The following CARM1 variants were observed in gnomAD, a reference collection of about 807,000 sequenced individuals.
The protein encoded by CARM1 is histone-arginine methyltransferase CARM1.
Under a neutral mutation model 72.7 loss-of-function variants are expected in CARM1, and 14 were observed. The observed-to-expected ratio is 0.19, with a 90% CI of 0.13 to 0.30. The LOEUF (loss-of-function observed/expected upper bound fraction) is 0.30, where lower values mean the gene tolerates loss of function less well. Among genes scored for constraint, CARM1 ranks in the 10% least tolerant of loss-of-function variants. CARM1 has a pLI of 1.00. For missense variants in CARM1, 432 were observed against 833.7 expected (o/e 0.52, Z 5.93); for synonymous variants, 333 against 345.5 (o/e 0.96, Z 0.40).
In CARM1 at chr19:10,921,843, T is replaced by C. The variant is rs1170367453; in HGVS notation, c.*86T>C. The C allele has an allele frequency of 1.2e-5, 16 of 1,339,888 alleles. No individual in the cohort carries two copies. The highest frequency in any genetic ancestry group is 3.0e-5 in the African/African-American group (2 of 67,776). 83.0% of individuals were successfully genotyped at this position (1,339,888 alleles called of 1,614,324 possible). ...CGCCGGGCGGCTTTCCCCCTTGTAC[T>C]GGAGAAGCTCGAACACCCGGTCACA... On this transcript the variant is annotated 3_prime_UTR_variant, in exon 16 of 16. Transcript: ENST00000327064.
chr19:10,881,763 C>T (rs913041160), intron 1 of CARM1, among the ~76,000 whole-genome samples: 3 of 152,086 alleles, frequency 2.0e-5, no homozygotes, highest in South Asian at 2.1e-4. Context: ...AAAGTGGACT[C>T]GCCGTCTCCA....
At chr19:10,918,540 G>A (rs56109496) in intron 8 of CARM1, among the ~76,000 whole-genome samples, 7,017 of 152,168 alleles carry the variant, frequency 0.046, 173 homozygotes, top group Non-Finnish European at 0.058. Flanking sequence ...TCTTATTAGC[G>A]GCTTTCTGCT....
Position 10,916,007 on chromosome 19 carries a change from C to G in CARM1, c.848-400C>G, listed in dbSNP as rs1308998732. ...TAGCCCGGGGCCCACCACCCTCCCT[C>G]TGTCCAGAGCAACTTTGCTATGCTT... On this transcript the variant is annotated intron_variant, in intron 6 of 15. Coordinates refer to ENST00000327064, the MANE Select transcript of CARM1 (RefSeq NM_199141.2). The surrounding 1 kb of genome is among the most constrained non-coding windows in gnomAD (Gnocchi z 4.4). Among the ~76,000 whole-genome samples, 3 of 152,250 alleles carry G rather than the reference C, an allele frequency of 2.0e-5. No homozygotes were observed. The highest frequency in any genetic ancestry group is 7.2e-5 in the African/African-American group (3 of 41,470).
chr19:10,921,896 CT>C lies in CARM1; in HGVS notation c.*145del. ...TCTCTTTGCTATGGGAACTGGGACA[CT>C]TTTTTACACGATGTTGCCGCCGTCC... is the stretch of plus-strand genomic sequence containing the variant. On this transcript the variant is annotated 3_prime_UTR_variant, in exon 16 of 16. Coordinates refer to ENST00000327064, the MANE Select transcript of CARM1 (RefSeq NM_199141.2). 2 of 832,122 alleles carry C rather than the reference CT, an allele frequency of 2.4e-6. No individual in the cohort carries two copies. Among genetic ancestry groups the C allele is most frequent in the East Asian group, 2.7e-5 (1 of 36,458 alleles). 51.5% of individuals were successfully genotyped at this position (832,122 alleles called of 1,614,324 possible).
chr19:10,912,670 C>T lies in CARM1; in HGVS notation c.669+376C>T, dbSNP rs1286187994. On this transcript the variant is annotated intron_variant, in intron 5 of 15. Coordinates refer to ENST00000327064, the MANE Select transcript of CARM1 (RefSeq NM_199141.2). The surrounding 1 kb of genome is among the most constrained non-coding windows in gnomAD (Gnocchi z 4.5). ...CTACGGCCACAAAGTCTGAGCAGAG[C>T]TATTCCGTGAGCGTCCTCTCGCACC... 6.6e-6 allele frequency among the ~76,000 whole-genome samples: 1 copy of T among 152,098 alleles called. No individual in the cohort carries two copies. Among genetic ancestry groups the T allele is most frequent in the Non-Finnish European group, 1.5e-5 (1 of 67,998 alleles).
At chr19:10,890,189 C>A (rs1160543479) in intron 1 of CARM1, among the ~76,000 whole-genome samples, 1 of 151,954 alleles carries the variant, frequency 6.6e-6, no homozygotes, top group African/African-American at 2.4e-5. Flanking sequence ...GAGTTTGAGA[C>A]CAGCCTGGGC....
At chr19:10,918,877 G>A (rs905824847) in intron 8 of CARM1, 9 of 152,224 alleles carry the variant, frequency 5.9e-5, no homozygotes, top group African/African-American at 1.9e-4. Flanking sequence ...GCTCTGGTTG[G>A]TCACCAGTGC....
At chr19:10,908,212 A>G (rs1410600294) in intron 3 of CARM1, 67 bp downstream of exon 3, 9 of 1,024,524 alleles carry the variant, frequency 8.8e-6, no homozygotes, top group Non-Finnish European at 1.2e-5. Flanking sequence ...CACCCGCAGG[A>G]GGCCACACAG....
chr19:10,910,138 C>T (rs1238204972), intron 4 of CARM1, among the ~76,000 whole-genome samples: 1 of 151,834 alleles, frequency 6.6e-6, no homozygotes, highest in East Asian at 1.9e-4. Flanking sequence ...ATAATGTGCA[C>T]TCATGATTAA....
rs1250668510 is a variant in CARM1, at chr19:10,921,846, AGAAGCTC to A, written c.*93_*99del. 2 of 1,302,656 alleles carry A rather than the reference AGAAGCTC, an allele frequency of 1.5e-6. No individual in the cohort carries two copies. Among genetic ancestry groups the A allele is most frequent in the African/African-American group, 3.0e-5 (2 of 66,972 alleles). 80.7% of individuals were successfully genotyped at this position (1,302,656 alleles called of 1,614,324 possible). A position where few individuals can be genotyped will look rare whatever the true frequency, so the allele number is the denominator to read the frequency against. On this transcript the variant is annotated 3_prime_UTR_variant, in exon 16 of 16. Transcript: ENST00000327064. ...CGGGCGGCTTTCCCCCTTGTACTGGAGAAGCTCGAACACCCGGTCACAGCTCTCTTTG... is the reference window on the plus strand; with the variant it reads ...CGGGCGGCTTTCCCCCTTGTACTGGAGAACACCCGGTCACAGCTCTCTTTG...
At chr19:10,895,688 G>A (rs2074019240) in intron 1 of CARM1, among the ~76,000 whole-genome samples, 1 of 152,190 alleles carries the variant, frequency 6.6e-6, no homozygotes, top group African/African-American at 2.4e-5. Context: ...GGAAGAGGCT[G>A]GGCTGCCCCT....
At chr19:10,884,702 T>C (rs1466852618) in intron 1 of CARM1, among the ~76,000 whole-genome samples, 1 of 152,104 alleles carries the variant, frequency 6.6e-6, no homozygotes, top group Non-Finnish European at 1.5e-5. Flanking sequence ...GCATCGCTTC[T>C]TTATTTTATT....
At chr19:10,890,673 G>A (rs952896162) in intron 1 of CARM1, among the ~76,000 whole-genome samples, 18 of 144,200 alleles carry the variant, frequency 1.2e-4, no homozygotes, top group Middle Eastern at 3.9e-3. Flanking sequence ...ATGTGTATAC[G>A]TATATACATA....
rs185245463 is a variant in CARM1 at position 10,912,749 on chromosome 19, C to T, written c.669+455C>T. Among the ~76,000 whole-genome samples the T allele has an allele frequency of 2.0e-5, 3 of 152,190 alleles. No homozygotes were observed. Among genetic ancestry groups the T allele is most frequent in the Non-Finnish European group, 4.4e-5 (3 of 67,992 alleles). ...TCTGCCTCTCCCATGGATCTGGGGTCGCCGGGGTCGTGGAGGGGCCATCTT... is the reference window on the plus strand; with the variant it reads ...TCTGCCTCTCCCATGGATCTGGGGTTGCCGGGGTCGTGGAGGGGCCATCTT... On this transcript the variant is annotated intron_variant, in intron 5 of 15. Coordinates refer to ENST00000327064, the MANE Select transcript of CARM1 (RefSeq NM_199141.2). This position sits in a 1 kb window ranked among gnomAD's most constrained non-coding sequence, Gnocchi z 4.5.
In CARM1 at chr19:10,912,964, G is replaced by A. The variant is rs1336384972; in HGVS notation, c.669+670G>A. On this transcript the variant is annotated intron_variant, in intron 5 of 15. Transcript: ENST00000327064. This position sits in a 1 kb window ranked among gnomAD's most constrained non-coding sequence, Gnocchi z 4.5. ...CCTAGCCCTGGAATCGCTGGGTTGG[G>A]GGTGCATCCAGCTTTAGCTTTGGTG... 6.6e-6 allele frequency among the ~76,000 whole-genome samples: 1 copy of A among 152,182 alleles called. No individual in the cohort carries two copies. Among genetic ancestry groups the A allele is most frequent in the South Asian group, 2.1e-4 (1 of 4,832 alleles).
chr19:10,877,047 C>T (rs1282951478), intron 1 of CARM1, among the ~76,000 whole-genome samples: 2 of 152,156 alleles, frequency 1.3e-5, no homozygotes, highest in African/African-American at 2.4e-5. Context: ...AACCCTTTGT[C>T]CAAAGAAGGT....
chr19:10,908,404 G>A lies in CARM1; in HGVS notation c.453+259G>A, dbSNP rs369192508. On this transcript the variant is annotated intron_variant, in intron 3 of 15. Transcript: ENST00000327064. ...ACAGGTGGAGCTCAGGGCCACAGGC[G>A]TTGTGAATAACGGTAGAGCAGTTAC... 108 of 440,058 alleles carry A rather than the reference G, an allele frequency of 2.5e-4. 1 individual carries two copies. The highest frequency in any genetic ancestry group is 5.5e-4 in the East Asian group (13 of 23,818). The allele number at this position is 440,058 out of a possible 1,614,324, so 27.3% of individuals were successfully genotyped here.
rs201312501 is a variant in CARM1, at chr19:10,909,090, G to T, written c.454-13G>T. 3.1e-6 allele frequency: 5 copies of T among 1,604,454 alleles called. No homozygotes were observed. The highest frequency in any genetic ancestry group is 2.7e-5 in the African/African-American group (2 of 74,850). On this transcript the variant is annotated splice_polypyrimidine_tract_variant and intron_variant, in intron 3 of 15. Transcript: ENST00000327064. ...ACCATGTGCCCCGTGCCATCGGTAT[G>T]TCTCTGTTCCAGTTTTATGGCTACC...
rs1289209119 is a variant in CARM1 at position 10,921,928 on chromosome 19, C to G, written c.*171C>G. On this transcript the variant is annotated 3_prime_UTR_variant, in exon 16 of 16. Transcript: ENST00000327064. ...ACACGATGTTGCCGCCGTCCCCACCCTAACCCCCACCTCCCGGCCCTGAGC... is the reference window on the plus strand; with the variant it reads ...ACACGATGTTGCCGCCGTCCCCACCGTAACCCCCACCTCCCGGCCCTGAGC... 3 of 621,412 alleles carry G rather than the reference C, an allele frequency of 4.8e-6. No homozygotes were observed. The East Asian group carries it at 9.1e-5, about 19-fold the overall frequency. The allele number at this position is 621,412 out of a possible 1,614,324, so 38.5% of individuals were successfully genotyped here.
Sources: gnomAD v4.1 joint callset for allele counts (sites outside exome capture counted in the v4.1 genomes callset) on GRCh38, gnomAD v4.1.1 for gene constraint, Gnocchi (gnomAD v3.1) non-coding constraint, MANE v1.5 for transcripts, NCBI Gene and HGNC (gene_info 2026-07-23, HGNC 2026-07-21) for gene names.